The following OR10H5 variants were observed in gnomAD, a reference collection of about 807,000 sequenced individuals.
OR10H5 encodes olfactory receptor 10H5.
A neutral mutation model predicts 12.2 loss-of-function variants in OR10H5; 7 were observed. That is an observed-to-expected ratio of 0.57 (90% confidence interval 0.33 to 1.07). The LOEUF is 1.07. Among genes scored for constraint, OR10H5 ranks in the 50% least tolerant of loss-of-function variants. The probability of loss-of-function intolerance (pLI) is 0.04; values close to 1 mark genes in which losing one functional copy is unlikely to be tolerated. For missense variants in OR10H5, 346 were observed against 411.6 expected, an observed-to-expected ratio of 0.84 and a Z score of 1.38; for synonymous variants, 159 against 175.1, an observed-to-expected ratio of 0.91 and a Z score of 0.73.
chr19:15,791,880 A>G (rs2088811097), intron 1 of OR10H5, among the ~76,000 whole-genome samples: 1 of 151,946 alleles, frequency 6.6e-6, no homozygotes, highest in Non-Finnish European at 1.5e-5. Context: ...TTTTTAGTAG[A>G]AACGGGTTTT....
rs1036442246 is a variant in OR10H5, at chr19:15,799,387, T to G, written c.*4391T>G. The G allele has an allele frequency of 6.6e-6, 1 of 152,166 alleles. No homozygotes were observed. The highest frequency in any genetic ancestry group is 2.4e-5 in the African/African-American group (1 of 41,446). 9.4% of individuals were successfully genotyped at this position (152,166 alleles called of 1,614,324 possible). On this transcript the variant is annotated 3_prime_UTR_variant, in exon 2 of 2. Coordinates refer to ENST00000642092, the MANE Select transcript of OR10H5 (RefSeq NM_001004466.2). Reference sequence around the variant, plus strand: ...ACACTGGCTTTTGGCAAGAGGAGTCTAGATTCCAGGTTTGGTGCTAACTGA... The same window carrying G: ...ACACTGGCTTTTGGCAAGAGGAGTCGAGATTCCAGGTTTGGTGCTAACTGA...
rs910868802 is a variant in OR10H5 at position 15,797,519 on chromosome 19, A to G, written c.*2523A>G. 6 of 152,318 alleles carry G rather than the reference A, an allele frequency of 3.9e-5. No individual in the cohort carries two copies. Among genetic ancestry groups the G allele is most frequent in the Non-Finnish European group, 2.9e-5 (2 of 68,030 alleles). 9.4% of individuals were successfully genotyped at this position (152,318 alleles called of 1,614,324 possible). ...GGTTGACCAATGTCCATGCATTCTGAAATTAAAATAAGCTTTGTGATTACT... is the reference window on the plus strand; with the variant it reads ...GGTTGACCAATGTCCATGCATTCTGGAATTAAAATAAGCTTTGTGATTACT... On this transcript the variant is annotated 3_prime_UTR_variant, in exon 2 of 2. Transcript: ENST00000642092.
chr19:15,794,789 T>A lies in OR10H5; in HGVS notation c.741T>A (p.Thr247=), dbSNP rs140168067. ...KAFSTCASHL[T]VVVVHYGFAS... ...TCTCCACCTGTGCCTCTCACCTCAC[T>A]GTGGTGGTCGTGCACTATGGCTTTG... The change falls in exon 2 of 2, where the codon ACT becomes ACA. Residue 247 remains threonine (T), a synonymous_variant. Transcript: ENST00000642092. 2.1e-4 allele frequency: 344 copies of A among 1,614,076 alleles called. No individual in the cohort carries two copies. In the African/African-American group the frequency reaches 4.0e-3, roughly 19 times the overall value.
At position 15,794,948 on chromosome 19, in the gene OR10H5, C is replaced by G. The variant is rs762687279; in HGVS notation, c.900C>G (p.Val300=). 1 of 1,614,192 alleles carries G rather than the reference C, an allele frequency of 6.2e-7. No individual in the cohort carries two copies. The highest frequency in any genetic ancestry group is 8.5e-7 in the Non-Finnish European group (1 of 1,180,040). Residue 300 remains valine (V), a synonymous_variant, in exon 2 of 2, where the codon GTC becomes GTG. Transcript: ENST00000642092. The part of the protein sequence containing the change: ...IFSLRNKELK[V]AMKKTCFTKL... ...GCCTCAGGAACAAGGAGCTGAAGGT[C>G]GCCATGAAGAAGACTTGCTTCACCA...
At chr19:15,789,420 G>C (rs1053622438) in intron 1 of OR10H5, among the ~76,000 whole-genome samples, 1 of 152,110 alleles carries the variant, frequency 6.6e-6, no homozygotes, top group Non-Finnish European at 1.5e-5. Flanking sequence ...TTTGAGGAGA[G>C]AGGGCACTGG....
At chr19:15,789,922 C>T (rs1340171538) in intron 1 of OR10H5, among the ~76,000 whole-genome samples, 1 of 151,892 alleles carries the variant, frequency 6.6e-6, no homozygotes, top group East Asian at 1.9e-4. Context: ...GCTGGAACTA[C>T]AGGTGCACAT....
intron 1 of OR10H5, among the ~76,000 whole-genome samples, chr19:15,791,083 C>T (rs191605582): frequency 1.1e-3 from 168 of 152,288 alleles, no homozygotes; most frequent in African/African-American, 3.8e-3. Context: ...TGGTGACTCA[C>T]GCCTGTAATC....
At chr19:15,789,878 C>T (rs1002345500) in intron 1 of OR10H5, among the ~76,000 whole-genome samples, 4 of 149,356 alleles carry the variant, frequency 2.7e-5, no homozygotes, top group Non-Finnish European at 5.9e-5. Flanking sequence ...AATTCCTGTA[C>T]TCAAGCAATC....
At chr19:15,788,442 G>A (rs745530632) in intron 1 of OR10H5, among the ~76,000 whole-genome samples, 2 of 151,968 alleles carry the variant, frequency 1.3e-5, no homozygotes, top group African/African-American at 2.4e-5. Context: ...CGTCTTTGAG[G>A]GGCACCAGTT....
intron 1 of OR10H5, among the ~76,000 whole-genome samples, chr19:15,790,050 G>C: frequency 6.6e-6 from 1 of 152,166 alleles, no homozygotes. Flanking sequence ...GCCTCCAAAA[G>C]TGCTGGGATT....
chr19:15,791,441 TACACACACACACACACACACAC>T (rs35542150), intron 1 of OR10H5, among the ~76,000 whole-genome samples: 2 of 147,442 alleles, frequency 1.4e-5, no homozygotes, highest in African/African-American at 5.0e-5. Context: ...ATAGATACCA[TACACACACACACACACACACAC>T]ACACACACAC....
intron 1 of OR10H5, among the ~76,000 whole-genome samples, chr19:15,788,729 TC>T (rs2088795825): frequency 1.3e-5 from 2 of 151,936 alleles, no homozygotes. Context: ...ATTCAAGCAA[TC>T]CCCCGCCCCA....
In OR10H5 at chr19:15,794,414, C is replaced by T. The variant is rs1473005401; in HGVS notation, c.366C>T (p.Arg122=). The change falls in exon 2 of 2, where the codon CGC becomes CGT. Residue 122 remains arginine (R), a synonymous_variant. Transcript: ENST00000642092. ...SFLLTVMGYD[R]YVAICHPLRY... ...TGCTCACTGTCATGGGCTACGACCG[C>T]TACGTGGCCATCTGCCACCCCCTGC... 4 of 1,614,248 alleles carry T rather than the reference C, an allele frequency of 2.5e-6. No homozygotes were observed. The Admixed American group carries it at 5.0e-5, about 20-fold the overall frequency.
At chr19:15,792,710 C>T (rs188477143) in intron 1 of OR10H5, among the ~76,000 whole-genome samples, 3 of 152,252 alleles carry the variant, frequency 2.0e-5, no homozygotes, top group Admixed American at 2.0e-4. Context: ...AAGTGATCCA[C>T]CCACCTCGGC....
At chr19:15,793,138 G>A (rs2088816742) in intron 1 of OR10H5, among the ~76,000 whole-genome samples, 1 of 151,846 alleles carries the variant, frequency 6.6e-6, no homozygotes, top group Non-Finnish European at 1.5e-5. Flanking sequence ...TTTGTTTTAT[G>A]AGATAGCATC....
Position 15,794,245 on chromosome 19 carries a change from T to A in OR10H5, c.197T>A (p.Leu66His). ...HMPMYLFLCA[L>H]SITEILYTVA... ...CCCATGTACCTCTTCCTGTGTGCCC[T>A]CTCCATCACCGAGATCCTCTACACC... The change falls in exon 2 of 2, where the codon CTC (leucine) becomes CAC (histidine). Residue 66 changes from leucine to histidine, a missense_variant. Transcript: ENST00000642092. The A allele has an allele frequency of 6.2e-7, 1 of 1,611,478 alleles. No individual in the cohort carries two copies. Among genetic ancestry groups the A allele is most frequent in the Non-Finnish European group, 8.5e-7 (1 of 1,178,988 alleles).
intron 1 of OR10H5, among the ~76,000 whole-genome samples, chr19:15,792,246 A>G (rs2088812921): frequency 6.6e-6 from 1 of 151,978 alleles, no homozygotes; most frequent in African/African-American, 2.4e-5. Flanking sequence ...CTTTTATTCT[A>G]AAGATTATTA....
intron 1 of OR10H5, 44 bp from the exon 2 acceptor site, chr19:15,793,994 G>C: frequency 1.3e-6 from 2 of 1,543,840 alleles, no homozygotes; most frequent in Non-Finnish European, 1.8e-6. Flanking sequence ...AGACACCCCT[G>C]TGCTCCTAAC....
chr19:15,791,587 T>C (rs982819781), intron 1 of OR10H5, among the ~76,000 whole-genome samples: 1 of 152,136 alleles, frequency 6.6e-6, no homozygotes, highest in Admixed American at 6.6e-5. Context: ...ATTTTATTTA[T>C]TCCCATTTAT....
Sources: gnomAD v4.1 joint callset for allele counts (sites outside exome capture counted in the v4.1 genomes callset) on GRCh38, gnomAD v4.1.1 for gene constraint, MANE v1.5 for transcripts, NCBI Gene and HGNC (gene_info 2026-07-23, HGNC 2026-07-21) for gene names.